PDE4D: variants seen among roughly 807,000 people sequenced by gnomAD.
PDE4D encodes the protein 3',5'-cyclic-AMP phosphodiesterase 4D.
A neutral mutation model predicts 87.4 loss-of-function variants in PDE4D; 24 were observed. That is an observed-to-expected ratio of 0.27 (90% CI 0.20 to 0.39). The LOEUF (loss-of-function observed/expected upper bound fraction) is 0.39. PDE4D is among the 10% of genes least tolerant of loss of function. The pLI is 1.00. For missense variants in PDE4D, 714 were observed against 1,041.0 expected, an observed-to-expected ratio of 0.69 and a Z score of 4.32; for synonymous variants, 384 against 383.2, an observed-to-expected ratio of 1.00 and a Z score of -0.02.
chr5:59,050,823 A>T (rs1761438945), intron 5 of PDE4D, among the ~76,000 whole-genome samples: 3 of 152,234 alleles, frequency 2.0e-5, no homozygotes, highest in Admixed American at 2.0e-4. Flanking sequence ...TATTATGAGA[A>T]ATGCATAAGA....
chr5:59,654,441 T>A (rs1019385321), intron 1 of PDE4D, among the ~76,000 whole-genome samples: 1 of 152,192 alleles, frequency 6.6e-6, no homozygotes, highest in Non-Finnish European at 1.5e-5. Context: ...AGGTACTTTG[T>A]TAGCACAATT....
At chr5:59,767,970 T>C (rs1279043008) in intron 1 of PDE4D, among the ~76,000 whole-genome samples, 1 of 152,194 alleles carries the variant, frequency 6.6e-6, no homozygotes, top group Non-Finnish European at 1.5e-5. Flanking sequence ...ACTGCATTCT[T>C]ATTTGACATC....
chr5:59,958,502 A>G (rs765458325), intron 3 of PDE4D, among the ~76,000 whole-genome samples: 6 of 152,182 alleles, frequency 3.9e-5, no homozygotes, highest in Non-Finnish European at 7.4e-5. Flanking sequence ...CAGTATTAAG[A>G]AATTCAAAAT....
At chr5:60,147,896 T>C (rs1239873556) in intron 2 of PDE4D, 43 of 417,740 alleles carry the variant, frequency 1.0e-4, no homozygotes, top group South Asian at 5.5e-4. Context: ...AAAGAGAAAC[T>C]GTAACCAAGA....
chr5:60,251,042 C>T (rs1562259161), intron 1 of PDE4D, among the ~76,000 whole-genome samples: 1 of 151,806 alleles, frequency 6.6e-6, no homozygotes, highest in African/African-American at 2.4e-5. Context: ...AAAGAGATAA[C>T]TAGACATTTT....
At chr5:60,238,066 A>G (rs1746630138) in intron 1 of PDE4D, among the ~76,000 whole-genome samples, 1 of 151,964 alleles carries the variant, frequency 6.6e-6, no homozygotes, top group South Asian at 2.1e-4. Flanking sequence ...CTATGGATGT[A>G]TTCTTTAAAA....
chr5:59,475,752 C>A (rs567663601), intron 1 of PDE4D, among the ~76,000 whole-genome samples: 4 of 151,960 alleles, frequency 2.6e-5, no homozygotes, highest in African/African-American at 9.7e-5. Flanking sequence ...CAGACTCAGT[C>A]GTTGTAGGGC....
intron 6 of PDE4D, among the ~76,000 whole-genome samples, chr5:59,029,257 C>A (rs1334758664): frequency 1.2e-4 from 17 of 141,066 alleles, no homozygotes; most frequent in Non-Finnish European, 1.1e-4. Flanking sequence ...CTTAAAAATA[C>A]AAAAAAAAAA....
intron 1 of PDE4D, among the ~76,000 whole-genome samples, chr5:60,219,553 C>A (rs555354890): frequency 6.6e-6 from 1 of 152,128 alleles, no homozygotes; most frequent in Non-Finnish European, 1.5e-5. Context: ...TAGAATCAGT[C>A]TATGAGCTAT....
At chr5:59,295,550 G>A (rs1227153830) in intron 1 of PDE4D, among the ~76,000 whole-genome samples, 2 of 152,130 alleles carry the variant, frequency 1.3e-5, no homozygotes, top group African/African-American at 2.4e-5. Context: ...TGCCTAGTTC[G>A]TAACATCAGG....
rs1474240871 is a variant in PDE4D, at chr5:59,038,983, CAG to C, written c.809-14_809-13del. 4.5e-6 allele frequency: 7 copies of C among 1,567,278 alleles called. No individual in the cohort carries two copies. The highest frequency in any genetic ancestry group is 6.1e-6 in the Non-Finnish European group (7 of 1,155,188). On this transcript the variant is annotated splice_polypyrimidine_tract_variant and intron_variant, in intron 5 of 14. Coordinates refer to ENST00000340635, the MANE Select transcript of PDE4D (RefSeq NM_001104631.2). ...CTGGTAGGCCTCCTCTGCGAAGAGA[CAG>C]GGAAAGGGGGACTCAGTTCTCAAGC...
At chr5:60,252,031 T>C (rs1242189627) in intron 1 of PDE4D, among the ~76,000 whole-genome samples, 4 of 151,998 alleles carry the variant, frequency 2.6e-5, no homozygotes, top group Non-Finnish European at 4.4e-5. Flanking sequence ...TTGCCCACAG[T>C]GTTCAGTGCA....
At chr5:59,989,115 T>TATATATATAC (rs1457167328) in intron 2 of PDE4D, among the ~76,000 whole-genome samples, 35 of 73,982 alleles carry the variant, frequency 4.7e-4, no homozygotes, top group African/African-American at 1.1e-3. Flanking sequence ...TATATATATA[T>TATATATATAC]ACACACACAC....
intron 5 of PDE4D, among the ~76,000 whole-genome samples, chr5:59,089,516 G>A (rs1222969529): frequency 2.0e-5 from 3 of 152,104 alleles, no homozygotes; most frequent in Non-Finnish European, 2.9e-5. Flanking sequence ...TCAACTCATT[G>A]AATTTTCACA....
chr5:60,012,298 C>G, intron 2 of PDE4D, among the ~76,000 whole-genome samples: 1 of 152,252 alleles, frequency 6.6e-6, no homozygotes, highest in Admixed American at 6.5e-5. Context: ...TAATGTATTT[C>G]TTTTGAATGC....
chr5:60,064,033 T>C (rs1191580463), intron 2 of PDE4D, among the ~76,000 whole-genome samples: 2 of 152,088 alleles, frequency 1.3e-5, no homozygotes, highest in Non-Finnish European at 2.9e-5. Flanking sequence ...GGAACTATGA[T>C]ACCTAAATGT....
At chr5:60,408,365 A>C (rs1179935768) in intron 1 of PDE4D, among the ~76,000 whole-genome samples, 1 of 152,222 alleles carries the variant, frequency 6.6e-6, no homozygotes, top group Non-Finnish European at 1.5e-5. Context: ...ATCCTGAAAT[A>C]AGTAGTTTCC....
intron 1 of PDE4D, among the ~76,000 whole-genome samples, chr5:59,543,976 G>T (rs569350919): frequency 1.4e-4 from 22 of 152,186 alleles, no homozygotes; most frequent in Non-Finnish European, 2.9e-4. Context: ...CCTCTGAATT[G>T]TTTGCTGTTT....
At chr5:60,337,817 G>A (rs75768883) in intron 1 of PDE4D, among the ~76,000 whole-genome samples, 4,734 of 151,808 alleles carry the variant, frequency 0.031, 129 homozygotes, top group East Asian at 0.12. Context: ...GTTCAGTCAC[G>A]CAACCAGAGT....
Sources: allele counts gnomAD v4.1 joint callset (sites outside exome capture counted in the v4.1 genomes callset), GRCh38; gene constraint gnomAD v4.1.1; transcripts MANE v1.5; gene names NCBI Gene and HGNC (gene_info 2026-07-23, HGNC 2026-07-21).